The following TBC1D15 variants were observed in gnomAD, a reference collection of about 807,000 sequenced individuals.
TBC1D15 encodes TBC1 domain family member 15, also known as GAP for RAB7.
TBC1D15 carries 39 observed loss-of-function variants against 95.4 expected under a neutral mutation model. The ratio of observed to expected loss-of-function variants is 0.41; its 90% confidence interval spans 0.32 to 0.53. The LOEUF (loss-of-function observed/expected upper bound fraction) is 0.53. TBC1D15 is among the 20% of genes least tolerant of loss of function. TBC1D15 has a pLI of 0.29. For synonymous variants in TBC1D15, 258 were observed against 261.3 expected (o/e 0.99, Z 0.12); for missense variants, 733 against 794.3 (o/e 0.92, Z 0.93).
At chr12:71,851,330 G>A (rs143099078) in intron 1 of TBC1D15, among the ~76,000 whole-genome samples, 2 of 151,816 alleles carry the variant, frequency 1.3e-5, no homozygotes, top group Admixed American at 1.3e-4. Context: ...CACCTCCAAC[G>A]TTGGGTATTG....
chr12:71,889,940 A>C (rs1004310203), intron 5 of TBC1D15, among the ~76,000 whole-genome samples: 4 of 152,194 alleles, frequency 2.6e-5, no homozygotes, highest in Non-Finnish European at 5.9e-5. Flanking sequence ...AATAGCCTCC[A>C]GCTTCATCCA....
chr12:71,851,380 C>A (rs2137940358), intron 1 of TBC1D15, among the ~76,000 whole-genome samples: 1 of 152,166 alleles, frequency 6.6e-6, no homozygotes, highest in South Asian at 2.1e-4. Context: ...CAGATCCAAA[C>A]CATATCATTC....
At position 71,923,078 on chromosome 12, in the gene TBC1D15, G is replaced by A; in HGVS notation, c.1899G>A (p.Met633Ile). 6.2e-7 allele frequency: 1 copy of A among 1,614,198 alleles called. No individual in the cohort carries two copies. Among genetic ancestry groups the A allele is most frequent in the Non-Finnish European group, 8.5e-7 (1 of 1,180,032 alleles). The change falls in exon 17 of 17, where the codon ATG (methionine) becomes ATA (isoleucine). Residue 633 changes from methionine to isoleucine, a missense_variant. Coordinates refer to ENST00000485960, the MANE Select transcript of TBC1D15 (RefSeq NM_001146213.3). ...TTGGTGAAGACGAAAATGTTGTCAT[G>A]ACTCCTTGTCCTACATCTGCATTTC... ...SDVGEDENVV[M>I]TPCPTSAFQS...
chr12:71,842,128 C>T (rs1224585103), intron 1 of TBC1D15, among the ~76,000 whole-genome samples: 1 of 152,154 alleles, frequency 6.6e-6, no homozygotes, highest in African/African-American at 2.4e-5. Context: ...GAATTAGAGT[C>T]TCTCAGTGTC....
intron 1 of TBC1D15, among the ~76,000 whole-genome samples, chr12:71,848,383 A>G (rs1040798730): frequency 6.6e-6 from 1 of 152,178 alleles, no homozygotes; most frequent in African/African-American, 2.4e-5. Context: ...TAGCCATTCT[A>G]ATAGGTGTGT....
At chr12:71,842,933 T>C (rs1369896587) in intron 1 of TBC1D15, among the ~76,000 whole-genome samples, 1 of 152,078 alleles carries the variant, frequency 6.6e-6, no homozygotes, top group African/African-American at 2.4e-5. Flanking sequence ...TGTAAAATCC[T>C]ATTGTAGTAC....
chr12:71,868,240 C>CTTTTT (rs771782876), intron 1 of TBC1D15, among the ~76,000 whole-genome samples: 1 of 132,378 alleles, frequency 7.6e-6, no homozygotes, highest in Non-Finnish European at 1.6e-5. Context: ...GCAGCTTTGA[C>CTTTTT]TTTTTTTTTT....
At chr12:71,890,493 A>C (rs949520374) in intron 5 of TBC1D15, among the ~76,000 whole-genome samples, 1 of 152,086 alleles carries the variant, frequency 6.6e-6, no homozygotes, top group Non-Finnish European at 1.5e-5. Context: ...ATTTGTGGCC[A>C]TGTTGTCTTC....
intron 1 of TBC1D15, among the ~76,000 whole-genome samples, chr12:71,840,083 A>G (rs1183477352): frequency 6.6e-6 from 1 of 152,158 alleles, no homozygotes; most frequent in Non-Finnish European, 1.5e-5. Flanking sequence ...TACCTTTACT[A>G]AGGGACAGGT....
intron 12 of TBC1D15, 131 bp from the exon 13 acceptor site, chr12:71,917,567 C>T (rs1265042031): frequency 9.7e-6 from 5 of 514,432 alleles, no homozygotes; most frequent in African/African-American, 1.9e-5. Context: ...TGGTTAGTTA[C>T]GCATTTTTTA....
chr12:71,868,268 C>T (rs1444290141), intron 1 of TBC1D15, among the ~76,000 whole-genome samples: 1 of 140,070 alleles, frequency 7.1e-6, no homozygotes, highest in Non-Finnish European at 1.5e-5. Flanking sequence ...TTTCTCGAGA[C>T]GGAGTCTCGC....
At chr12:71,917,897 G>A in intron 13 of TBC1D15, 100 bp downstream of exon 13, 1 of 740,668 alleles carries the variant, frequency 1.4e-6, no homozygotes, top group African/African-American at 1.8e-5. Flanking sequence ...AGTGGCTCAT[G>A]CCTATAATCC....
intron 5 of TBC1D15, among the ~76,000 whole-genome samples, chr12:71,891,088 C>A (rs1190215776): frequency 6.6e-6 from 1 of 152,078 alleles, no homozygotes; most frequent in Non-Finnish European, 1.5e-5. Flanking sequence ...ACCTTTCTAT[C>A]TTTTATTCCC....
intron 1 of TBC1D15, among the ~76,000 whole-genome samples, chr12:71,863,436 A>ATG (rs893677186): frequency 4.5e-4 from 69 of 152,172 alleles, no homozygotes; most frequent in African/African-American, 1.6e-3. Flanking sequence ...ACTTCCTTAT[A>ATG]TGTGACTTGA....
chr12:71,886,318 G>A (rs1031768202), intron 5 of TBC1D15, among the ~76,000 whole-genome samples: 3 of 152,064 alleles, frequency 2.0e-5, no homozygotes, highest in South Asian at 2.1e-4. Context: ...ACAGGCGTGC[G>A]CCACCACGGT....
chr12:71,876,799 T>C (rs184484302), intron 3 of TBC1D15, among the ~76,000 whole-genome samples: 2,171 of 151,820 alleles, frequency 0.014, 54 homozygotes, highest in African/African-American at 0.05. Flanking sequence ...TTTTTTTTTT[T>C]TTTTGAAGTT....
At chr12:71,890,157 A>C (rs1464016884) in intron 5 of TBC1D15, among the ~76,000 whole-genome samples, 1 of 152,216 alleles carries the variant, frequency 6.6e-6, no homozygotes, top group Non-Finnish European at 1.5e-5. Context: ...TGGAATTCCC[A>C]AATTTTTAAG....
intron 4 of TBC1D15, among the ~76,000 whole-genome samples, chr12:71,881,643 C>T (rs901356402): frequency 6.6e-5 from 10 of 152,154 alleles, no homozygotes; most frequent in East Asian, 1.9e-4. Context: ...AAAGGCCGGG[C>T]GCGGTGGCTC....
chr12:71,916,853 G>A (rs1824777134), intron 12 of TBC1D15, among the ~76,000 whole-genome samples: 2 of 151,882 alleles, frequency 1.3e-5, no homozygotes, highest in South Asian at 4.1e-4. Context: ...GTGACCTCAG[G>A]GCCCCTTCAC....
Sources: gnomAD v4.1 joint callset for allele counts (sites outside exome capture counted in the v4.1 genomes callset) on GRCh38, gnomAD v4.1.1 for gene constraint, MANE v1.5 for transcripts, NCBI Gene and HGNC (gene_info 2026-07-23, HGNC 2026-07-21) for gene names.